MRPS27: variants seen among roughly 807,000 people sequenced by gnomAD.
The protein encoded by MRPS27 is small ribosomal subunit protein mS27.
A neutral mutation model predicts 48.9 loss-of-function variants in MRPS27; 43 were observed. The ratio of observed to expected loss-of-function variants is 0.88; its 90% CI spans 0.69 to 1.13. The LOEUF is 1.13. Among genes scored for constraint, MRPS27 ranks in the 50% most tolerant of loss-of-function variants. The probability of loss-of-function intolerance (pLI) is 0.00; values close to 1 mark genes in which losing one functional copy is unlikely to be tolerated. For synonymous variants in MRPS27, 188 were observed against 171.9 expected, an observed-to-expected ratio of 1.09 and a Z score of -0.73; for missense variants, 467 against 476.3, an observed-to-expected ratio of 0.98 and a Z score of 0.18.
At chr5:72,287,908 A>G (rs915532079) in intron 4 of MRPS27, among the ~76,000 whole-genome samples, 2 of 152,178 alleles carry the variant, frequency 1.3e-5, no homozygotes, top group Non-Finnish European at 2.9e-5. Context: ...ACCCCTAGCT[A>G]TTTATCCCAC....
rs553384708 is a variant in MRPS27 at position 72,311,668 on chromosome 5, C to T, written c.151+2413G>A. Among the ~76,000 whole-genome samples the T allele has an allele frequency of 9.2e-5, 14 of 152,328 alleles. 1 individual carries two copies. The South Asian group carries it at 2.9e-3, about 32-fold the overall frequency. On this transcript the variant is annotated intron_variant, in intron 2 of 10. Transcript: ENST00000261413. Reference sequence around the variant, plus strand: ...CAGGACTCTGAATAGTCCTCACCAGCAGGAAGGCTCTCACCAGATGCCACC... The same window carrying T: ...CAGGACTCTGAATAGTCCTCACCAGTAGGAAGGCTCTCACCAGATGCCACC...
At chr5:72,294,055 A>C (rs1749910869) in intron 4 of MRPS27, among the ~76,000 whole-genome samples, 1 of 152,168 alleles carries the variant, frequency 6.6e-6, no homozygotes, top group Non-Finnish European at 1.5e-5. Flanking sequence ...AGGACCTAAA[A>C]TTTCAACTTA....
intron 7 of MRPS27, among the ~76,000 whole-genome samples, chr5:72,231,424 T>C (rs1748062414): frequency 6.6e-6 from 1 of 152,162 alleles, no homozygotes; most frequent in African/African-American, 2.4e-5. Context: ...ATATAGTCTT[T>C]TCTTAGATTT....
At chr5:72,278,822 G>A (rs1008903137) in intron 4 of MRPS27, among the ~76,000 whole-genome samples, 1 of 151,810 alleles carries the variant, frequency 6.6e-6, no homozygotes, top group Non-Finnish European at 1.5e-5. Flanking sequence ...AGATAGCTTT[G>A]GCTTATTCTT....
chr5:72,241,986 G>T (rs1297484168), intron 4 of MRPS27, among the ~76,000 whole-genome samples: 1 of 152,182 alleles, frequency 6.6e-6, no homozygotes, highest in Non-Finnish European at 1.5e-5. Flanking sequence ...GAAGGCTAAA[G>T]GTACTCTGAG....
chr5:72,292,900 A>C (rs1749868302), intron 4 of MRPS27, among the ~76,000 whole-genome samples: 1 of 152,140 alleles, frequency 6.6e-6, no homozygotes. Flanking sequence ...GTATAAAATT[A>C]AGAAGTTCCT....
intron 4 of MRPS27, among the ~76,000 whole-genome samples, chr5:72,294,103 GT>G: frequency 6.6e-6 from 1 of 151,568 alleles, no homozygotes; most frequent in South Asian, 2.1e-4. Context: ...TAAAATAAAT[GT>G]TTTTTAAAGG....
chr5:72,307,004 A>T (rs576341242), intron 2 of MRPS27, among the ~76,000 whole-genome samples: 1 of 152,298 alleles, frequency 6.6e-6, no homozygotes, highest in Non-Finnish European at 1.5e-5. Flanking sequence ...GTATTATACG[A>T]GGCTTTATTT....
chr5:72,237,895 G>T, intron 5 of MRPS27, 119 bp downstream of exon 5: 3 of 657,332 alleles, frequency 4.6e-6, no homozygotes, highest in South Asian at 2.2e-5. Flanking sequence ...AAGAATATTT[G>T]AGGCCAAATA....
chr5:72,308,581 C>T (rs1474045230), intron 2 of MRPS27, among the ~76,000 whole-genome samples: 6 of 152,336 alleles, frequency 3.9e-5, no homozygotes, highest in African/African-American at 1.2e-4. Flanking sequence ...CCCGCAGGGG[C>T]CACACTGCCA....
chr5:72,245,365 G>A (rs922516423), intron 4 of MRPS27, among the ~76,000 whole-genome samples: 16 of 152,146 alleles, frequency 1.1e-4, no homozygotes, highest in South Asian at 4.1e-4. Flanking sequence ...AGAGATAAGC[G>A]AAATATTTTG....
At chr5:72,276,502 C>A (rs1219524954) in intron 4 of MRPS27, among the ~76,000 whole-genome samples, 1 of 152,122 alleles carries the variant, frequency 6.6e-6, no homozygotes, top group Admixed American at 6.5e-5. Context: ...GACATAGGCA[C>A]AGGCAAAGAT....
chr5:72,268,194 A>T (rs2112012845), intron 4 of MRPS27, among the ~76,000 whole-genome samples: 1 of 152,292 alleles, frequency 6.6e-6, no homozygotes, highest in East Asian at 1.9e-4. Flanking sequence ...TCAAATCCTT[A>T]AAACATAAGA....
chr5:72,249,477 A>G (rs913277165), intron 4 of MRPS27, among the ~76,000 whole-genome samples: 2 of 152,060 alleles, frequency 1.3e-5, no homozygotes, highest in Admixed American at 6.6e-5. Flanking sequence ...TGAGGTCAGG[A>G]GTTCAAGACC....
chr5:72,298,178 C>T (rs773494103), intron 2 of MRPS27, among the ~76,000 whole-genome samples: 1 of 152,092 alleles, frequency 6.6e-6, no homozygotes, highest in Non-Finnish European at 1.5e-5. Context: ...TTAAACAATT[C>T]AACAAGCAAA....
rs141307607 is a variant in MRPS27, at chr5:72,243,392, C to A, written c.282-5264G>T. 7.0e-3 allele frequency among the ~76,000 whole-genome samples: 1,069 copies of A among 152,184 alleles called. 11 individuals carry two copies. The highest frequency in any genetic ancestry group is 0.025 in the African/African-American group (1,026 of 41,506). On this transcript the variant is annotated intron_variant, in intron 4 of 10. Coordinates refer to ENST00000261413, the MANE Select transcript of MRPS27 (RefSeq NM_015084.3). Reference sequence around the variant, plus strand: ...GCTTTCAGAATTGTTAATTTCAAAACTAACAATTATTAGTTGCCCTCAACT... The same window carrying A: ...GCTTTCAGAATTGTTAATTTCAAAAATAACAATTATTAGTTGCCCTCAACT...
chr5:72,290,457 C>T (rs1320046440), intron 4 of MRPS27, among the ~76,000 whole-genome samples: 8 of 152,176 alleles, frequency 5.3e-5, no homozygotes, highest in Admixed American at 5.2e-4. Context: ...ATAAACCTTG[C>T]ACTGAGACAG....
chr5:72,270,071 T>C (rs1169800672), intron 4 of MRPS27, among the ~76,000 whole-genome samples: 2 of 151,542 alleles, frequency 1.3e-5, no homozygotes, highest in African/African-American at 4.8e-5. Context: ...CACATGCCTG[T>C]AATGCCAGCT....
intron 10 of MRPS27, among the ~76,000 whole-genome samples, chr5:72,222,266 CAGAATGAGGA>C (rs1747764475): frequency 1.3e-5 from 2 of 152,186 alleles, no homozygotes; most frequent in Non-Finnish European, 2.9e-5. Flanking sequence ...CTTGGGACAC[CAGAATGAGGA>C]CTAAACTACG....
Sources: gnomAD v4.1 joint callset for allele counts (sites outside exome capture counted in the v4.1 genomes callset) on GRCh38, gnomAD v4.1.1 for gene constraint, MANE v1.5 for transcripts, NCBI Gene and HGNC (gene_info 2026-07-23, HGNC 2026-07-21) for gene names.